The following DLGAP2 variants were observed in gnomAD, a reference collection of about 807,000 sequenced individuals.
DLGAP2 encodes DLG associated protein 2.
A neutral mutation model predicts 100.3 loss-of-function variants in DLGAP2; 26 were observed. The observed-to-expected ratio is 0.26, with a 90% confidence interval of 0.19 to 0.36. The LOEUF (loss-of-function observed/expected upper bound fraction) is 0.36. Ranked by LOEUF, DLGAP2 falls within the 10% of genes least tolerant of loss-of-function variation. The pLI, the probability that DLGAP2 is intolerant of heterozygous loss-of-function variation, is 1.00. For synonymous variants in DLGAP2, 886 were observed against 630.1 expected, an observed-to-expected ratio of 1.41 and a Z score of -6.08; for missense variants, 1,858 against 1,453.2, an observed-to-expected ratio of 1.28 and a Z score of -4.53.
chr8:1,237,170 C>G (rs1235129882), intron 2 of DLGAP2, among the ~76,000 whole-genome samples: 1 of 133,096 alleles, frequency 7.5e-6, no homozygotes, highest in South Asian at 2.4e-4. Flanking sequence ...GTGTCTAGTT[C>G]TCTCACATGG....
rs1563061247 is a variant in DLGAP2, at chr8:1,683,928, G to GACA, written c.2704+5299_2704+5300insACA. Among the ~76,000 whole-genome samples the GACA allele has an allele frequency of 1.1e-4, 10 of 92,052 alleles. 1 individual carries two copies. The East Asian group carries it at 1.4e-3, about 13-fold the overall frequency. 60.4% of individuals were successfully genotyped at this position (92,052 alleles called of 152,430 possible). A position where few individuals can be genotyped will look rare whatever the true frequency, so the allele number is the denominator to read the frequency against. ...CATATATGTGTATATATATATGTGTGTATATATGTGTATATATATATGTGT... is the reference window on the plus strand; with the variant it reads ...CATATATGTGTATATATATATGTGTGACATATATATGTGTATATATATATGTGT... On this transcript the variant is annotated intron_variant, in intron 12 of 14. Transcript: ENST00000637795.
intron 2 of DLGAP2, among the ~76,000 whole-genome samples, chr8:1,202,119 ATC>A (rs1432556684): frequency 6.6e-6 from 1 of 150,924 alleles, no homozygotes; most frequent in African/African-American, 2.5e-5. Context: ...GCATCTGTGT[ATC>A]TGTGTGTCTG....
intron 2 of DLGAP2, among the ~76,000 whole-genome samples, chr8:953,579 G>C (rs991068602): frequency 6.6e-6 from 1 of 152,244 alleles, no homozygotes; most frequent in Non-Finnish European, 1.5e-5. Flanking sequence ...GAAAGTTATA[G>C]TGTCTTTGAT....
At chr8:1,539,803 C>T (rs149009499) in intron 4 of DLGAP2, among the ~76,000 whole-genome samples, 198 of 152,280 alleles carry the variant, frequency 1.3e-3, no homozygotes, top group African/African-American at 4.6e-3. Context: ...TCAGAGCCAG[C>T]AGGTGGGACA....
chr8:764,648 A>G (rs7825497), intron 1 of DLGAP2, among the ~76,000 whole-genome samples: 118,001 of 152,082 alleles, frequency 0.78, 46,253 homozygotes, highest in East Asian at 0.85. Flanking sequence ...TATTTTTCTA[A>G]TTAGATACAT....
intron 12 of DLGAP2, among the ~76,000 whole-genome samples, chr8:1,687,264 A>C (rs1215691331): frequency 6.6e-6 from 1 of 152,222 alleles, no homozygotes; most frequent in Non-Finnish European, 1.5e-5. Context: ...ATTTAGATAG[A>C]ATTGGAATTA....
chr8:1,307,320 A>C (rs1183391696), intron 3 of DLGAP2, among the ~76,000 whole-genome samples: 1 of 152,256 alleles, frequency 6.6e-6, no homozygotes, highest in African/African-American at 2.4e-5. Context: ...GGAAATGCCA[A>C]CACACATTAG....
intron 1 of DLGAP2, among the ~76,000 whole-genome samples, chr8:851,524 C>A (rs984857922): frequency 3.3e-5 from 5 of 152,168 alleles, no homozygotes; most frequent in Admixed American, 3.3e-4. Flanking sequence ...ACTATTTGAT[C>A]ATTTCAGTAT....
At chr8:1,373,150 G>C (rs565873778) in intron 3 of DLGAP2, among the ~76,000 whole-genome samples, 1 of 152,214 alleles carries the variant, frequency 6.6e-6, no homozygotes, top group African/African-American at 2.4e-5. Context: ...GTCTTCATGG[G>C]TCTCATTTGC....
intron 3 of DLGAP2, among the ~76,000 whole-genome samples, chr8:1,265,458 A>G (rs1799431727): frequency 1.3e-5 from 2 of 152,252 alleles, no homozygotes; most frequent in African/African-American, 4.8e-5. Context: ...GTTGCGTGGA[A>G]GATGGCTTGA....
intron 3 of DLGAP2, among the ~76,000 whole-genome samples, chr8:1,467,517 C>A (rs1005192160): frequency 2.0e-5 from 3 of 152,102 alleles, no homozygotes; most frequent in Admixed American, 1.3e-4. Context: ...ACCCCCATTA[C>A]CTTGGCAGAG....
At chr8:1,567,536 G>A (rs1350343429) in intron 6 of DLGAP2, among the ~76,000 whole-genome samples, 1 of 152,182 alleles carries the variant, frequency 6.6e-6, no homozygotes, top group Non-Finnish European at 1.5e-5. Flanking sequence ...TACGAACGGC[G>A]TTTTCCTGTT....
At chr8:1,259,859 T>A (rs1799309895) in intron 3 of DLGAP2, 1 of 152,190 alleles carries the variant, frequency 6.6e-6, no homozygotes, top group African/African-American at 2.4e-5. Context: ...ATTCCCTTAT[T>A]TGGTGGTTAA....
intron 2 of DLGAP2, chr8:1,250,694 CCTG>C (rs1799020158): frequency 6.6e-6 from 1 of 152,058 alleles, no homozygotes; most frequent in African/African-American, 2.4e-5. Flanking sequence ...GCCAGTCACT[CCTG>C]GGTTTGCCTT....
At chr8:836,096 C>T (rs1796869612) in intron 1 of DLGAP2, among the ~76,000 whole-genome samples, 1 of 152,188 alleles carries the variant, frequency 6.6e-6, no homozygotes, top group South Asian at 2.1e-4. Context: ...ACAGCGGCGG[C>T]GCAACAGCTG....
chr8:1,103,149 G>A (rs1241967278), intron 2 of DLGAP2, among the ~76,000 whole-genome samples: 1 of 152,112 alleles, frequency 6.6e-6, no homozygotes, highest in Non-Finnish European at 1.5e-5. Flanking sequence ...GTGGAGGTAA[G>A]AAGGGAACGG....
At chr8:1,146,701 G>T (rs1296459165) in intron 2 of DLGAP2, among the ~76,000 whole-genome samples, 2 of 152,156 alleles carry the variant, frequency 1.3e-5, no homozygotes, top group East Asian at 3.9e-4. Context: ...AGGGAGAGGG[G>T]GGGCTACATT....
intron 3 of DLGAP2, among the ~76,000 whole-genome samples, chr8:1,497,381 T>G (rs1308167861): frequency 6.6e-6 from 1 of 152,180 alleles, no homozygotes; most frequent in Non-Finnish European, 1.5e-5. Context: ...GGAGGAAGCT[T>G]ACGGTCACGT....
intron 5 of DLGAP2, among the ~76,000 whole-genome samples, chr8:1,559,775 A>G (rs560066057): frequency 2.0e-5 from 3 of 152,236 alleles, no homozygotes; most frequent in Admixed American, 2.0e-4. Flanking sequence ...TGAGCTTTTC[A>G]CACATTCCCA....
Sources: gnomAD v4.1 joint callset for allele counts (sites outside exome capture counted in the v4.1 genomes callset) on GRCh38, gnomAD v4.1.1 for gene constraint, MANE v1.5 for transcripts, NCBI Gene and HGNC (gene_info 2026-07-23, HGNC 2026-07-21) for gene names.